The following PAX3 variants were observed in gnomAD, a reference collection of about 807,000 sequenced individuals.
PAX3 encodes paired box 3.
Under a neutral mutation model 51.6 loss-of-function variants are expected in PAX3, and 14 were observed. The ratio of observed to expected loss-of-function variants is 0.27; its 90% CI spans 0.18 to 0.42. PAX3 has a LOEUF of 0.42. Ranked by LOEUF, PAX3 falls within the 10% of genes least tolerant of loss-of-function variation. The pLI is 1.00. For synonymous variants in PAX3, 280 were observed against 253.4 expected, an observed-to-expected ratio of 1.11 and a Z score of -1.00; for missense variants, 540 against 642.8, an observed-to-expected ratio of 0.84 and a Z score of 1.73.
rs533108486 is a variant in PAX3 at position 222,247,039 on chromosome 2, A to G, written c.587-14756T>C. Among the ~76,000 whole-genome samples, 3 of 152,306 alleles carry G rather than the reference A, an allele frequency of 2.0e-5. No homozygotes were observed. The South Asian group carries it at 6.2e-4, about 32-fold the overall frequency. On this transcript the variant is annotated intron_variant, in intron 4 of 8. Transcript: ENST00000392070. The stretch of plus-strand genomic sequence containing the variant: ...TCTAATTCATCCAAACAAACATTGA[A>G]CCCACTTATACATCTCTCCTTCTAT...
chr2:222,254,299 C>T (rs925914430), intron 4 of PAX3, among the ~76,000 whole-genome samples: 4 of 152,162 alleles, frequency 2.6e-5, no homozygotes, highest in Non-Finnish European at 4.4e-5. Flanking sequence ...AGTGTTTTTT[C>T]ATCTTACGTT....
At chr2:222,291,294 G>T (rs913094687) in intron 4 of PAX3, among the ~76,000 whole-genome samples, 1 of 152,188 alleles carries the variant, frequency 6.6e-6, no homozygotes, top group Non-Finnish European at 1.5e-5. Context: ...GGGATAGCGG[G>T]CGGGGTTCGT....
intron 4 of PAX3, among the ~76,000 whole-genome samples, chr2:222,285,426 C>T (rs538163027): frequency 3.3e-5 from 5 of 152,210 alleles, no homozygotes; most frequent in African/African-American, 7.2e-5. Context: ...TAAGTTATGC[C>T]GACACTAGAG....
At chr2:222,247,837 T>C (rs1031362852) in intron 4 of PAX3, among the ~76,000 whole-genome samples, 3 of 152,172 alleles carry the variant, frequency 2.0e-5, no homozygotes, top group African/African-American at 7.2e-5. Flanking sequence ...CTAACCATTA[T>C]ATAATGCTGT....
intron 4 of PAX3, among the ~76,000 whole-genome samples, chr2:222,278,505 A>G (rs1174425049): frequency 1.3e-5 from 2 of 152,208 alleles, no homozygotes; most frequent in Non-Finnish European, 2.9e-5. Context: ...CTCTTGGCCA[A>G]AGAGACCCTT....
intron 4 of PAX3, among the ~76,000 whole-genome samples, chr2:222,243,422 T>A (rs887883613): frequency 1.3e-5 from 2 of 152,234 alleles, no homozygotes; most frequent in Non-Finnish European, 1.5e-5. Flanking sequence ...TACTGTCCTT[T>A]GCACTAGGGA....
intron 4 of PAX3, among the ~76,000 whole-genome samples, chr2:222,285,609 G>A (rs747670933): frequency 3.9e-5 from 6 of 152,166 alleles, no homozygotes; most frequent in Admixed American, 6.5e-5. Flanking sequence ...TTGACTATGA[G>A]AGTACACAAT....
chr2:222,213,635 C>T (rs745480383), intron 7 of PAX3, among the ~76,000 whole-genome samples: 1 of 152,160 alleles, frequency 6.6e-6, no homozygotes, highest in African/African-American at 2.4e-5. Context: ...TTGTTTGACA[C>T]CCAACAAATT....
In PAX3 at chr2:222,269,791, A is replaced by G. The variant is rs115562293; in HGVS notation, c.586+24376T>C. Among the ~76,000 whole-genome samples the G allele has an allele frequency of 1.7e-3, 260 of 152,330 alleles. 2 individuals carry two copies. The highest frequency in any genetic ancestry group is 4.8e-3 in the South Asian group (23 of 4,816). On this transcript the variant is annotated intron_variant, in intron 4 of 8. Transcript: ENST00000392070. ...TATTTTCAGTTTGAAATTGTGTGCC[A>G]TGGGTAGCACAGAGGGAAAATGTGA...
intron 4 of PAX3, among the ~76,000 whole-genome samples, chr2:222,232,816 C>T (rs1038764430): frequency 6.6e-6 from 1 of 151,982 alleles, no homozygotes; most frequent in Non-Finnish European, 1.5e-5. Context: ...ACCTAAGAAG[C>T]GAGTAACAGT....
At chr2:222,286,609 C>T (rs1342143400) in intron 4 of PAX3, among the ~76,000 whole-genome samples, 2 of 152,188 alleles carry the variant, frequency 1.3e-5, no homozygotes, top group Admixed American at 6.5e-5. Context: ...TAAAATGGTG[C>T]GAACTTTGCT....
At chr2:222,231,148 A>C (rs1457548996) in intron 5 of PAX3, among the ~76,000 whole-genome samples, 1 of 152,190 alleles carries the variant, frequency 6.6e-6, no homozygotes, top group Admixed American at 6.5e-5. Flanking sequence ...AGAGTTAATT[A>C]GCTGCATCTA....
At chr2:222,293,948 T>G in intron 4 of PAX3, 1 of 1,529,158 alleles carries the variant, frequency 6.5e-7, no homozygotes, top group African/African-American at 1.4e-5. Flanking sequence ...GAAAGAAAGA[T>G]TTACAAAACA....
Position 222,212,353 on chromosome 2 carries a change from C to T in PAX3, c.1173+7787G>A, listed in dbSNP as rs45571437. Reference sequence around the variant, plus strand: ...CATTAGTTCAGTGCTAAAGGTTACCCGAACAGTCATCTCACAGCTAAGAAA... The same window carrying T: ...CATTAGTTCAGTGCTAAAGGTTACCTGAACAGTCATCTCACAGCTAAGAAA... On this transcript the variant is annotated intron_variant, in intron 7 of 8. Coordinates refer to ENST00000392070, the MANE Select transcript of PAX3 (RefSeq NM_181458.4). 9.0e-3 allele frequency among the ~76,000 whole-genome samples: 1,361 copies of T among 152,054 alleles called. 14 individuals are homozygous for T. The highest frequency in any genetic ancestry group is 0.024 in the Admixed American group (359 of 15,250).
At chr2:222,292,577 C>T (rs181268568) in intron 4 of PAX3, among the ~76,000 whole-genome samples, 58 of 152,338 alleles carry the variant, frequency 3.8e-4, no homozygotes, top group African/African-American at 1.4e-3. Flanking sequence ...GTAGCAAAGC[C>T]GTGAGTCCCC....
intron 3 of PAX3, among the ~76,000 whole-genome samples, chr2:222,294,795 T>C (rs971879666): frequency 3.7e-5 from 4 of 109,366 alleles, no homozygotes; most frequent in Admixed American, 3.3e-4. Flanking sequence ...GTTTCTTTTT[T>C]TTCCTTTCTT....
chr2:222,227,099 T>A (rs940642306), intron 5 of PAX3, among the ~76,000 whole-genome samples: 4 of 152,058 alleles, frequency 2.6e-5, no homozygotes, highest in African/African-American at 9.7e-5. Flanking sequence ...TCCAAAAGGA[T>A]TCCAGCAAGA....
intron 4 of PAX3, among the ~76,000 whole-genome samples, chr2:222,286,215 G>A (rs1694829060): frequency 6.6e-6 from 1 of 152,236 alleles, no homozygotes; most frequent in Admixed American, 6.5e-5. Flanking sequence ...TGGGATTACA[G>A]GCGTGAGCCA....
intron 4 of PAX3, among the ~76,000 whole-genome samples, chr2:222,278,329 C>A (rs771127831): frequency 1.3e-5 from 2 of 152,158 alleles, no homozygotes; most frequent in Non-Finnish European, 1.5e-5. Context: ...AACAGACATC[C>A]TTTGTGCCCC....
Sources: allele counts gnomAD v4.1 joint callset (sites outside exome capture counted in the v4.1 genomes callset), GRCh38; gene constraint gnomAD v4.1.1; transcripts MANE v1.5; gene names NCBI Gene and HGNC (gene_info 2026-07-23, HGNC 2026-07-21).